The following TTC28 variants were observed in gnomAD, a reference collection of about 807,000 sequenced individuals.
TTC28 encodes the protein tetratricopeptide repeat protein 28.
In TTC28, 61 loss-of-function variants were observed where a neutral mutation model predicts 198.0. The ratio of observed to expected loss-of-function variants is 0.31; its 90% CI spans 0.25 to 0.38. The LOEUF (loss-of-function observed/expected upper bound fraction) is 0.38. Ranked by LOEUF, TTC28 falls within the 10% of genes least tolerant of loss-of-function variation. The pLI, the probability that TTC28 is intolerant of heterozygous loss-of-function variation, is 1.00. For missense variants in TTC28, 2,678 were observed against 3,164.0 expected (o/e 0.85, Z 3.69); for synonymous variants, 1,171 against 1,297.8 (o/e 0.90, Z 2.10).
intron 5 of TTC28, among the ~76,000 whole-genome samples, chr22:28,185,174 T>C (rs1441440289): frequency 2.6e-5 from 4 of 152,218 alleles, no homozygotes; most frequent in African/African-American, 9.6e-5. Context: ...TTCACTCTTG[T>C]TTATTTTTCC....
Position 27,979,192 on chromosome 22 carries a change from C to CAGGT in TTC28, c.*3025_*3028dup, listed in dbSNP as rs1416769272. 1 of 152,164 alleles carries CAGGT rather than the reference C, an allele frequency of 6.6e-6. No individual in the cohort carries two copies. The highest frequency in any genetic ancestry group is 1.5e-5 in the Non-Finnish European group (1 of 68,046). The allele number at this position is 152,164 out of a possible 1,614,324, so 9.4% of individuals were successfully genotyped here. On this transcript the variant is annotated 3_prime_UTR_variant, in exon 23 of 23. Coordinates refer to ENST00000397906, the MANE Select transcript of TTC28 (RefSeq NM_001145418.2). Reference sequence around the variant, plus strand: ...GGAGTCAGCAAACTTCTTAAAAGGCCAGGTATTGGCTGGGCGCAGTGGCTC... The same window carrying CAGGT: ...GGAGTCAGCAAACTTCTTAAAAGGCCAGGTAGGTATTGGCTGGGCGCAGTGGCTC...
intron 2 of TTC28, among the ~76,000 whole-genome samples, chr22:28,449,852 T>C (rs897126315): frequency 3.3e-5 from 5 of 152,116 alleles, no homozygotes; most frequent in African/African-American, 1.2e-4. Context: ...CTGAGAGACA[T>C]TTCACAAGTC....
intron 2 of TTC28, among the ~76,000 whole-genome samples, chr22:28,467,202 C>T (rs555040761): frequency 6.6e-6 from 1 of 152,350 alleles, no homozygotes; most frequent in African/African-American, 2.4e-5. Flanking sequence ...AGGAGACTCA[C>T]TTGAGCCCAG....
intron 5 of TTC28, among the ~76,000 whole-genome samples, chr22:28,230,856 A>G (rs1042212913): frequency 4.6e-5 from 7 of 152,214 alleles, no homozygotes; most frequent in Non-Finnish European, 1.0e-4. Context: ...ATGACCTAAT[A>G]GGAAGTCTAA....
chr22:28,134,385 A>T (rs1273677748), intron 6 of TTC28, among the ~76,000 whole-genome samples: 1 of 152,224 alleles, frequency 6.6e-6, no homozygotes, highest in Non-Finnish European at 1.5e-5. Flanking sequence ...TTGAGAGAAG[A>T]AGGCGTCAGA....
chr22:28,128,220 A>T (rs1942964048), intron 6 of TTC28, among the ~76,000 whole-genome samples: 1 of 152,094 alleles, frequency 6.6e-6, no homozygotes, highest in Admixed American at 6.6e-5. Context: ...TGGGAAGCTG[A>T]GGCAGGAAAA....
intron 5 of TTC28, among the ~76,000 whole-genome samples, chr22:28,250,629 T>C (rs1930448071): frequency 6.6e-6 from 1 of 152,212 alleles, no homozygotes; most frequent in Non-Finnish European, 1.5e-5. Context: ...AAATACCTAA[T>C]TTAATGTAAA....
At chr22:28,648,068 C>T (rs993974639) in intron 1 of TTC28, among the ~76,000 whole-genome samples, 6 of 151,166 alleles carry the variant, frequency 4.0e-5, no homozygotes, top group Non-Finnish European at 7.4e-5. Flanking sequence ...CCCAAAAATA[C>T]AAAAAATTAG....
chr22:28,066,380 C>T (rs1333959825), intron 12 of TTC28, among the ~76,000 whole-genome samples: 5 of 151,848 alleles, frequency 3.3e-5, no homozygotes, highest in South Asian at 2.1e-4. Context: ...AAATTTCAAG[C>T]GTACGATACA....
At chr22:28,132,093 T>G (rs987103335) in intron 6 of TTC28, among the ~76,000 whole-genome samples, 4 of 152,058 alleles carry the variant, frequency 2.6e-5, no homozygotes, top group Admixed American at 2.6e-4. Context: ...AGAAAAATGC[T>G]CAGCTATCTG....
chr22:28,435,548 C>T (rs896230928), intron 2 of TTC28, among the ~76,000 whole-genome samples: 1 of 152,158 alleles, frequency 6.6e-6, no homozygotes, highest in Admixed American at 6.5e-5. Flanking sequence ...CAGGGCCAGC[C>T]GGGATTTCAG....
intron 5 of TTC28, among the ~76,000 whole-genome samples, chr22:28,196,056 C>G (rs887100351): frequency 1.3e-5 from 2 of 151,578 alleles, no homozygotes; most frequent in Non-Finnish European, 2.9e-5. Context: ...GCTACAGTAA[C>G]CAAAACAGCA....
At chr22:28,524,755 A>G (rs559048290) in intron 2 of TTC28, among the ~76,000 whole-genome samples, 3 of 152,244 alleles carry the variant, frequency 2.0e-5, no homozygotes, top group Non-Finnish European at 4.4e-5. Context: ...TTTTAAAATT[A>G]TAAATTCCAG....
At chr22:28,315,521 A>C (rs2045337909) in intron 2 of TTC28, among the ~76,000 whole-genome samples, 1 of 152,162 alleles carries the variant, frequency 6.6e-6, no homozygotes, top group African/African-American at 2.4e-5. Context: ...ACTTGTTCAC[A>C]TTTAGATTTG....
chr22:28,106,952 C>G lies in TTC28; in HGVS notation c.2783+110G>C, dbSNP rs747638391. On this transcript the variant is annotated intron_variant, in intron 7 of 22. Coordinates refer to ENST00000397906, the MANE Select transcript of TTC28 (RefSeq NM_001145418.2). ...TTGGAGGAATCAGATGAGATATGTA[C>G]GAAAATGTTTGTAGTTAACAAACTG... The G allele has an allele frequency of 3.7e-6, 5 of 1,365,342 alleles. No individual in the cohort carries two copies. In the Admixed American group the frequency reaches 1.1e-4, roughly 30 times the overall value. 84.6% of individuals were successfully genotyped at this position (1,365,342 alleles called of 1,614,324 possible).
At chr22:28,023,241 T>C (rs1382759135) in intron 13 of TTC28, among the ~76,000 whole-genome samples, 1 of 152,194 alleles carries the variant, frequency 6.6e-6, no homozygotes, top group East Asian at 1.9e-4. Context: ...CGGCAGCAGT[T>C]GGTGGTGCCC....
chr22:28,164,884 T>C (rs1921718927), intron 5 of TTC28, among the ~76,000 whole-genome samples: 1 of 151,892 alleles, frequency 6.6e-6, no homozygotes, highest in Non-Finnish European at 1.5e-5. Flanking sequence ...TACTCTGAGC[T>C]AAAGGAGGAA....
At chr22:28,608,328 AT>A (rs1402465369) in intron 2 of TTC28, among the ~76,000 whole-genome samples, 1 of 152,180 alleles carries the variant, frequency 6.6e-6, no homozygotes, top group Non-Finnish European at 1.5e-5. Context: ...AATTACCACT[AT>A]TTGACCTGTC....
At chr22:28,556,451 A>T (rs2049788193) in intron 2 of TTC28, among the ~76,000 whole-genome samples, 1 of 152,202 alleles carries the variant, frequency 6.6e-6, no homozygotes, top group African/African-American at 2.4e-5. Context: ...CACACTATGC[A>T]TGCAGATACT....
Sources: allele counts gnomAD v4.1 joint callset (sites outside exome capture counted in the v4.1 genomes callset), GRCh38; gene constraint gnomAD v4.1.1; transcripts MANE v1.5; gene names NCBI Gene and HGNC (gene_info 2026-07-23, HGNC 2026-07-21).